The following CSMD1 variants were observed in gnomAD, a reference collection of about 807,000 sequenced individuals.
CSMD1 encodes the protein CUB and Sushi multiple domains 1, also known as CUB and sushi domain-containing protein 1.
In CSMD1, 213 loss-of-function variants were observed where a neutral mutation model predicts 417.5. The observed-to-expected ratio is 0.51, with a 90% CI of 0.46 to 0.57. CSMD1 has a LOEUF of 0.57. Among genes scored for constraint, CSMD1 ranks in the 20% least tolerant of loss-of-function variants. CSMD1 has a pLI of 0.00. For synonymous variants in CSMD1, 2,862 were observed against 1,736.8 expected, an observed-to-expected ratio of 1.65 and a Z score of -16.11; for missense variants, 6,923 against 4,529.7, an observed-to-expected ratio of 1.53 and a Z score of -15.17.
At chr8:3,296,641 G>C (rs565608001) in intron 25 of CSMD1, among the ~76,000 whole-genome samples, 1 of 152,246 alleles carries the variant, frequency 6.6e-6, no homozygotes, top group African/African-American at 2.4e-5. Context: ...GAGATGAGCT[G>C]AATATGGAGG....
chr8:3,861,030 C>G (rs1303583862), intron 5 of CSMD1, among the ~76,000 whole-genome samples: 4 of 152,140 alleles, frequency 2.6e-5, no homozygotes, highest in Non-Finnish European at 5.9e-5. Flanking sequence ...CTTGTATGAA[C>G]TGCTGCTCTT....
intron 1 of CSMD1, among the ~76,000 whole-genome samples, chr8:4,670,185 T>C (rs555761060): frequency 6.6e-6 from 1 of 152,146 alleles, no homozygotes; most frequent in African/African-American, 2.4e-5. Context: ...CAAACTAAAG[T>C]CCCTCCATGT....
chr8:4,757,228 G>C (rs995667023), intron 1 of CSMD1, among the ~76,000 whole-genome samples: 1 of 152,116 alleles, frequency 6.6e-6, no homozygotes, highest in African/African-American at 2.4e-5. Flanking sequence ...GTTCTCCTTA[G>C]AGAAAACAAC....
chr8:3,924,527 G>A (rs552516964), intron 5 of CSMD1, among the ~76,000 whole-genome samples: 14 of 152,172 alleles, frequency 9.2e-5, no homozygotes, highest in African/African-American at 2.4e-4. Context: ...CCAGAAGCTC[G>A]GTGGACTTGC....
chr8:4,888,149 G>C (rs976039348), intron 1 of CSMD1, among the ~76,000 whole-genome samples: 1 of 151,738 alleles, frequency 6.6e-6, no homozygotes, highest in African/African-American at 2.4e-5. Flanking sequence ...ATATAAAAGA[G>C]TATATGAATA....
chr8:3,138,755 T>C (rs1214609329), intron 41 of CSMD1, among the ~76,000 whole-genome samples: 1 of 152,024 alleles, frequency 6.6e-6, no homozygotes, highest in Non-Finnish European at 1.5e-5. Context: ...CAAGTGAGAA[T>C]CGAGACAGAG....
chr8:4,694,547 T>C (rs1018039894), intron 1 of CSMD1, among the ~76,000 whole-genome samples: 2 of 151,892 alleles, frequency 1.3e-5, no homozygotes, highest in African/African-American at 4.8e-5. Context: ...GTATTTTTAG[T>C]AGAGACGGGG....
chr8:4,210,147 A>C (rs1378592768), intron 3 of CSMD1, among the ~76,000 whole-genome samples: 1 of 152,060 alleles, frequency 6.6e-6, no homozygotes, highest in Non-Finnish European at 1.5e-5. Flanking sequence ...TTCTCCTGTC[A>C]CTGTGTGTCA....
chr8:3,425,073 C>T (rs1813743586), intron 12 of CSMD1, among the ~76,000 whole-genome samples: 1 of 152,156 alleles, frequency 6.6e-6, no homozygotes, highest in African/African-American at 2.4e-5. Flanking sequence ...TCCCTGGGCT[C>T]AAGCAATCCT....
At chr8:3,282,694 G>T (rs1169362101) in intron 26 of CSMD1, among the ~76,000 whole-genome samples, 2 of 152,176 alleles carry the variant, frequency 1.3e-5, no homozygotes, top group East Asian at 3.8e-4. Context: ...GCACGTGTTT[G>T]CAAATCACTG....
intron 3 of CSMD1, among the ~76,000 whole-genome samples, chr8:4,416,648 C>G (rs556290854): frequency 6.6e-6 from 1 of 151,954 alleles, no homozygotes; most frequent in Admixed American, 6.6e-5. Context: ...TAAAGTACAT[C>G]AGAGAGAGAG....
chr8:4,445,740 C>T (rs1351658205), intron 2 of CSMD1, among the ~76,000 whole-genome samples: 1 of 146,112 alleles, frequency 6.8e-6, no homozygotes, highest in African/African-American at 2.6e-5. Context: ...CATTAAGTAT[C>T]CAATAATAGA....
intron 1 of CSMD1, among the ~76,000 whole-genome samples, chr8:4,994,095 T>G (rs891006289): frequency 6.8e-6 from 1 of 148,130 alleles, no homozygotes; most frequent in African/African-American, 2.5e-5. Flanking sequence ...AGATCTCTCC[T>G]GTGAGCCCAA....
chr8:3,027,342 T>C (rs763861545), intron 51 of CSMD1, among the ~76,000 whole-genome samples: 2 of 152,154 alleles, frequency 1.3e-5, no homozygotes, highest in African/African-American at 2.4e-5. Context: ...TGGAGAACAA[T>C]GTGTTTGGGT....
chr8:3,013,056 C>G (rs1808523252), intron 52 of CSMD1, among the ~76,000 whole-genome samples: 1 of 152,174 alleles, frequency 6.6e-6, no homozygotes, highest in Non-Finnish European at 1.5e-5. Flanking sequence ...GAAGCCTCCC[C>G]AGCCAGGTGG....
At chr8:3,802,425 C>T (rs1800507410) in intron 5 of CSMD1, among the ~76,000 whole-genome samples, 2 of 152,054 alleles carry the variant, frequency 1.3e-5, no homozygotes, top group Admixed American at 6.6e-5. Flanking sequence ...CACTATTATT[C>T]TTTAGACATT....
intron 50 of CSMD1, among the ~76,000 whole-genome samples, chr8:3,033,011 T>C (rs1810444372): frequency 6.6e-6 from 1 of 152,224 alleles, no homozygotes; most frequent in East Asian, 1.9e-4. Context: ...CCACGGCAAC[T>C]TGACACTTCT....
chr8:4,953,503 C>T (rs554950830), intron 1 of CSMD1, among the ~76,000 whole-genome samples: 66 of 152,174 alleles, frequency 4.3e-4, no homozygotes, highest in Admixed American at 1.2e-3. Flanking sequence ...ACATCGTCCA[C>T]GGTGGCAAGT....
intron 3 of CSMD1, among the ~76,000 whole-genome samples, chr8:4,081,011 G>A (rs552765696): frequency 1.8e-4 from 28 of 152,086 alleles, no homozygotes; most frequent in South Asian, 1.5e-3. Flanking sequence ...TCCCCTTTTC[G>A]CCTTTGCCTC....
Sources: allele counts gnomAD v4.1 joint callset (sites outside exome capture counted in the v4.1 genomes callset), GRCh38; gene constraint gnomAD v4.1.1; transcripts MANE v1.5; gene names NCBI Gene and HGNC (gene_info 2026-07-23, HGNC 2026-07-21).